MYO7B: variants seen among roughly 807,000 people sequenced by gnomAD.
MYO7B encodes the protein myosin VIIB, also known as unconventional myosin-VIIb.
A neutral mutation model predicts 259.7 loss-of-function variants in MYO7B; 212 were observed. That is an observed-to-expected ratio of 0.82 (90% CI 0.73 to 0.91). The LOEUF (loss-of-function observed/expected upper bound fraction) is 0.91. MYO7B is among the 40% of genes least tolerant of loss of function. The pLI is 0.00. For missense variants in MYO7B, 2,732 were observed against 2,813.5 expected (o/e 0.97, Z 0.66); for synonymous variants, 1,197 against 1,166.4 (o/e 1.03, Z -0.54).
Position 127,632,301 on chromosome 2 carries a change from C to T in MYO7B, c.5305C>T (p.Pro1769Ser), listed in dbSNP as rs761027991. Reference sequence around the variant, plus strand: ...GTGGCTGTGCACGGGCCTCTTCCCGCCCAGCAAGGGGCTGCTGCCCCATGC... The same window carrying T: ...GTGGCTGTGCACGGGCCTCTTCCCGTCCAGCAAGGGGCTGCTGCCCCATGC... Reference protein sequence around the residue: ...LLWLCTGLFPPSKGLLPHAQK... With the variant: ...LLWLCTGLFPSSKGLLPHAQK... The change falls in exon 39 of 48, where the codon CCC (proline) becomes TCC (serine). Residue 1769 changes from proline (P) to serine (S), a missense_variant. Around this residue, in one of 3 missense-constraint regions of MYO7B, gnomAD observed 821 missense variants for 769.3 expected, o/e 1.07. Transcript: ENST00000409816. The T allele has an allele frequency of 1.9e-6, 3 of 1,611,506 alleles. No homozygotes were observed. Among genetic ancestry groups the T allele is most frequent in the South Asian group, 1.1e-5 (1 of 90,954 alleles).
chr2:127,578,758 T>C (rs1678989026), intron 9 of MYO7B, among the ~76,000 whole-genome samples: 1 of 152,018 alleles, frequency 6.6e-6, no homozygotes, highest in South Asian at 2.1e-4. Flanking sequence ...ACATCCAGCA[T>C]GAAGCCAGGA....
At chr2:127,633,503 C>G (rs1681632335) in intron 40 of MYO7B, 140 bp downstream of exon 40, 2 of 813,824 alleles carry the variant, frequency 2.5e-6, no homozygotes, top group South Asian at 1.7e-5. Flanking sequence ...GTCTCCCGCC[C>G]TCTCCCCATG....
At chr2:127,626,928 A>C in intron 31 of MYO7B, 47 bp from the exon 32 acceptor site, 1 of 1,522,792 alleles carries the variant, frequency 6.6e-7, no homozygotes, top group Non-Finnish European at 9.0e-7. Context: ...TGAGGGATTC[A>C]CTAGGGAAGG....
chr2:127,541,163 C>T (rs1692990709), intron 1 of MYO7B, among the ~76,000 whole-genome samples: 1 of 151,886 alleles, frequency 6.6e-6, no homozygotes, highest in Non-Finnish European at 1.5e-5. Context: ...CTTCTCTGAG[C>T]CATCTCCATG....
In MYO7B at chr2:127,634,191, G is replaced by A; in HGVS notation, c.5527G>A (p.Ala1843Thr). The change falls in exon 41 of 48, where the codon GCC (alanine) becomes ACC (threonine). Residue 1843 changes from alanine to threonine, a missense_variant. Coordinates refer to ENST00000409816, the MANE Select transcript of MYO7B (RefSeq NM_001393586.1). ...CTCTGTCCAGATGCTGGAGGTGGTT[G>A]CCAACACACGGGTGCGGGATGTGTG... ...NDTSEMLEVV[A>T]NTRVRDVCDS... 1.2e-6 allele frequency: 2 copies of A among 1,605,270 alleles called. No individual in the cohort carries two copies. The highest frequency in any genetic ancestry group is 1.7e-6 in the Non-Finnish European group (2 of 1,176,544).
intron 35 of MYO7B, 132 bp from the exon 36 acceptor site, chr2:127,630,646 G>C: frequency 7.8e-7 from 1 of 1,277,688 alleles, no homozygotes; most frequent in Non-Finnish European, 1.1e-6. Flanking sequence ...AGGGGTGTGG[G>C]TAAGCCCTGG....
chr2:127,628,335 G>A lies in MYO7B; in HGVS notation c.4461-37G>A. ...TTTAGGGGCTGGATCAGGGGAAGGT[G>A]GAGGGGGCTCCTGGTCACGCTGTCC... On this transcript the variant is annotated intron_variant, in intron 33 of 47. Transcript: ENST00000409816. This position sits in a 1 kb window ranked among gnomAD's most constrained non-coding sequence, Gnocchi z 4.8. The A allele has an allele frequency of 6.4e-7, 1 of 1,572,736 alleles. No homozygotes were observed. Among genetic ancestry groups the A allele is most frequent in the Non-Finnish European group, 8.6e-7 (1 of 1,162,216 alleles).
At chr2:127,580,038 G>T (rs1279029788) in intron 9 of MYO7B, among the ~76,000 whole-genome samples, 1 of 152,244 alleles carries the variant, frequency 6.6e-6, no homozygotes, top group Non-Finnish European at 1.5e-5. Flanking sequence ...AGGGCTGTGG[G>T]TGCTGGCAGA....
intron 10 of MYO7B, 23 bp downstream of exon 10, chr2:127,580,845 T>C: frequency 6.2e-7 from 1 of 1,606,314 alleles, no homozygotes; most frequent in Non-Finnish European, 8.5e-7. Flanking sequence ...TGCCCACAGC[T>C]TCCATTTTGG....
intron 18 of MYO7B, among the ~76,000 whole-genome samples, chr2:127,595,454 G>GTAT (rs1679739365): frequency 6.6e-6 from 1 of 151,840 alleles, no homozygotes; most frequent in Admixed American, 6.5e-5. Flanking sequence ...AGAGTTTTTC[G>GTAT]TATCTCTATC....
intron 1 of MYO7B, among the ~76,000 whole-genome samples, chr2:127,537,753 C>G (rs556068281): frequency 9.2e-5 from 14 of 152,034 alleles, no homozygotes; most frequent in African/African-American, 3.4e-4. Flanking sequence ...AGGATTTGAC[C>G]AAGGCCACTG....
chr2:127,621,882 A>T lies in MYO7B; in HGVS notation c.3526-100A>T. On this transcript the variant is annotated intron_variant, in intron 27 of 47. Transcript: ENST00000409816. ...GTGAGGGTGCCCCTCAATGCACATTATACACTGAGTATTATAATTCTTAAG... is the reference window on the plus strand; with the variant it reads ...GTGAGGGTGCCCCTCAATGCACATTTTACACTGAGTATTATAATTCTTAAG... 2.0e-6 allele frequency: 3 copies of T among 1,508,090 alleles called. No individual in the cohort carries two copies. In the South Asian group the frequency reaches 3.6e-5, roughly 18 times the overall value. 93.4% of individuals were successfully genotyped at this position (1,508,090 alleles called of 1,614,324 possible).
At chr2:127,603,489 C>A (rs1322040530) in intron 19 of MYO7B, among the ~76,000 whole-genome samples, 1 of 152,140 alleles carries the variant, frequency 6.6e-6, no homozygotes, top group Non-Finnish European at 1.5e-5. Context: ...TGTCAATGAG[C>A]AGTAATAGTT....
At chr2:127,578,045 G>A in intron 8 of MYO7B, 88 bp from the exon 9 acceptor site, 1 of 1,515,666 alleles carries the variant, frequency 6.6e-7, no homozygotes, top group East Asian at 2.3e-5. Flanking sequence ...CATTGCCTAT[G>A]AAGTGCAGTG....
intron 30 of MYO7B, among the ~76,000 whole-genome samples, chr2:127,624,624 G>T (rs1191592630): frequency 6.6e-6 from 1 of 152,214 alleles, no homozygotes; most frequent in Non-Finnish European, 1.5e-5. Context: ...CATGGCCTTG[G>T]AGCCCTAACA....
rs1681849178 is a variant in MYO7B at position 127,636,789 on chromosome 2, C to T, written c.6208-5C>T. 6.2e-7 allele frequency: 1 copy of T among 1,613,368 alleles called. No homozygotes were observed. The highest frequency in any genetic ancestry group is 1.3e-5 in the African/African-American group (1 of 74,904). On this transcript the variant is annotated splice_region_variant and splice_polypyrimidine_tract_variant and intron_variant, in intron 46 of 47. Coordinates refer to ENST00000409816, the MANE Select transcript of MYO7B (RefSeq NM_001393586.1). This position sits in a 1 kb window ranked among gnomAD's most constrained non-coding sequence, Gnocchi z 4.5. ...GTCCGGCCCACCCACCCTCTCTGCC[C>T]CCAGGACCTGCTCACCACCTATCCC...
chr2:127,622,003 C>G lies in MYO7B; in HGVS notation c.3547C>G (p.Gln1183Glu). The G allele has an allele frequency of 1.3e-6, 2 of 1,551,794 alleles. No individual in the cohort carries two copies. The highest frequency in any genetic ancestry group is 1.7e-6 in the Non-Finnish European group (2 of 1,147,008). ...CCAGTATCTACTGAACTTCATCGGC[C>G]AAGGGCCGGCGACCTACGGCCCCTT... ...FMKYLLNFIG[Q>E]GPATYGPFCA... The change falls in exon 28 of 48, where the codon CAA (glutamine) becomes GAA (glutamate). Residue 1183 changes from glutamine to glutamate, a missense_variant. By Grantham distance (29) the Gln-to-Glu change is conservative. This residue lies in a region of MYO7B where 1,906 missense variants were observed against 2,026.4 expected (regional missense o/e 0.94). Coordinates refer to ENST00000409816, the MANE Select transcript of MYO7B (RefSeq NM_001393586.1).
rs562526143 is a variant in MYO7B, at chr2:127,607,259, G to C, written c.2478G>C (p.Ala826=). ...LQAIARSQPL[A]RQYQAMRQRT... ...CTATTGCCCGGAGCCAGCCGCTGGC[G>C]AGGCAGTACCAGGCCATGCGGCAGA... is the stretch of plus-strand genomic sequence containing the variant. Residue 826 remains alanine (A), a synonymous_variant, in exon 21 of 48, where the codon GCG becomes GCC. Transcript: ENST00000409816. The surrounding 1 kb of genome is among the most constrained non-coding windows in gnomAD (Gnocchi z 4.4). 18 of 1,550,950 alleles carry C rather than the reference G, an allele frequency of 1.2e-5. No homozygotes were observed. The Admixed American group carries it at 2.7e-4, about 24-fold the overall frequency.
In MYO7B at chr2:127,607,276, T is replaced by C; in HGVS notation, c.2495T>C (p.Met832Thr). 1 of 1,551,278 alleles carries C rather than the reference T, an allele frequency of 6.4e-7. No homozygotes were observed. The highest frequency in any genetic ancestry group is 8.7e-7 in the Non-Finnish European group (1 of 1,146,998). The change falls in exon 21 of 48, where the codon ATG becomes ACG. Residue 832 changes from methionine (M) to threonine (T), a missense_variant. This residue lies in a region of MYO7B where 1,906 missense variants were observed against 2,026.4 expected (regional missense o/e 0.94). Transcript: ENST00000409816. This position sits in a 1 kb window ranked among gnomAD's most constrained non-coding sequence, Gnocchi z 4.4. ...SQPLARQYQA[M>T]RQRTVQLQAL... ...CCGCTGGCGAGGCAGTACCAGGCCA[T>C]GCGGCAGAGGACAGTCCAGCTGCAG...
Sources: gnomAD v4.1 joint callset for allele counts (sites outside exome capture counted in the v4.1 genomes callset) on GRCh38, gnomAD v4.1.1 for gene constraint, gnomAD v4.1.1 regional missense constraint, Gnocchi (gnomAD v3.1) non-coding constraint, MANE v1.5 for transcripts, NCBI Gene and HGNC (gene_info 2026-07-23, HGNC 2026-07-21) for gene names.